CABP7: variants seen among roughly 807,000 people sequenced by gnomAD.
CABP7 encodes calcium binding protein 7.
Under a neutral mutation model 23.1 loss-of-function variants are expected in CABP7, and 13 were observed. The observed-to-expected ratio is 0.56, with a 90% CI of 0.37 to 0.90. CABP7 has a LOEUF of 0.90. Among genes scored for constraint, CABP7 ranks in the 40% least tolerant of loss-of-function variants. The pLI is 0.01. For missense variants in CABP7, 248 were observed against 295.6 expected, an observed-to-expected ratio of 0.84 and a Z score of 1.18; for synonymous variants, 123 against 115.3, an observed-to-expected ratio of 1.07 and a Z score of -0.43.
rs554209803 is a variant in CABP7, at chr22:29,727,900, T to C, written c.253+95T>C. The C allele has an allele frequency of 5.0e-6, 7 of 1,413,474 alleles. No homozygotes were observed. In the South Asian group the frequency reaches 9.7e-5, roughly 20 times the overall value. The allele number at this position is 1,413,474 out of a possible 1,614,324, so 87.6% of individuals were successfully genotyped here. ...CTGAGCTGCTGAGGCTGCATCCAAA[T>C]TGGGTCTCTCGCTCCCCTGACTCCC... On this transcript the variant is annotated intron_variant, in intron 2 of 4. Transcript: ENST00000216144. This position sits in a 1 kb window ranked among gnomAD's most constrained non-coding sequence, Gnocchi z 4.2.
chr22:29,730,939 A>C lies in CABP7; in HGVS notation c.*1370A>C. The C allele has an allele frequency of 3.8e-6, 1 of 265,038 alleles. No homozygotes were observed. The highest frequency in any genetic ancestry group is 7.0e-6 in the Non-Finnish European group (1 of 142,550). 16.4% of individuals were successfully genotyped at this position (265,038 alleles called of 1,614,324 possible). ...AGAGCTCAGAGCACCCAGTGTAGGG[A>C]AACACAGCCAGACCACTGTGGTGAC... On this transcript the variant is annotated 3_prime_UTR_variant, in exon 5 of 5. Transcript: ENST00000216144.
At chr22:29,722,960 G>A (rs962260283) in intron 1 of CABP7, among the ~76,000 whole-genome samples, 4 of 152,252 alleles carry the variant, frequency 2.6e-5, no homozygotes, top group African/African-American at 7.2e-5. Flanking sequence ...GCCAGGCGGC[G>A]CTGGGTTTGA....
chr22:29,726,845 C>T (rs2067798799), intron 1 of CABP7, among the ~76,000 whole-genome samples: 1 of 152,218 alleles, frequency 6.6e-6, no homozygotes, highest in East Asian at 1.9e-4. Context: ...GACAGCAGTA[C>T]AGCTAAGGTG....
chr22:29,720,601 A>AGGGGCGCG lies in CABP7; in HGVS notation c.109+75_109+82dup. 2.0e-6 allele frequency: 2 copies of AGGGGCGCG among 1,019,714 alleles called. No individual in the cohort carries two copies. The highest frequency in any genetic ancestry group is 2.7e-6 in the Non-Finnish European group (2 of 744,770). The allele number at this position is 1,019,714 out of a possible 1,614,324, so 63.2% of individuals were successfully genotyped here. A position where few individuals can be genotyped will look rare whatever the true frequency, so the allele number is the denominator to read the frequency against. On this transcript the variant is annotated intron_variant, in intron 1 of 4. Transcript: ENST00000216144. The surrounding 1 kb of genome is among the most constrained non-coding windows in gnomAD (Gnocchi z 5.2). ...TGTGCGCCCAGGTGAAGCGCGGGCCAGGGGCGCGGGGGCGGGGGGCGGGGG... is the reference window on the plus strand; with the variant it reads ...TGTGCGCCCAGGTGAAGCGCGGGCCAGGGGCGCGGGGGCGCGGGGGCGGGGGGCGGGGG...
intron 1 of CABP7, among the ~76,000 whole-genome samples, chr22:29,721,876 C>T (rs1416201650): frequency 1.3e-5 from 2 of 152,250 alleles, no homozygotes; most frequent in East Asian, 3.9e-4. Context: ...GATTGGGGCC[C>T]CCCGACATGA....
Position 29,720,378 on chromosome 22 carries a change from C to A in CABP7, c.-47C>A. On this transcript the variant is annotated 5_prime_UTR_variant, in exon 1 of 5. Coordinates refer to ENST00000216144, the MANE Select transcript of CABP7 (RefSeq NM_182527.3). This position sits in a 1 kb window ranked among gnomAD's most constrained non-coding sequence, Gnocchi z 5.2. Reference sequence around the variant, plus strand: ...CCGGGGCCGCCACCGGCCCATGAGCCCCGGCCTCAAAGTTTGCGGCGGGCG... The same window carrying A: ...CCGGGGCCGCCACCGGCCCATGAGCACCGGCCTCAAAGTTTGCGGCGGGCG... The A allele has an allele frequency of 1.5e-6, 2 of 1,340,328 alleles. No individual in the cohort carries two copies. Among genetic ancestry groups the A allele is most frequent in the Non-Finnish European group, 1.0e-6 (1 of 1,003,406 alleles). 83.0% of individuals were successfully genotyped at this position (1,340,328 alleles called of 1,614,324 possible). A position where few individuals can be genotyped will look rare whatever the true frequency, so the allele number is the denominator to read the frequency against.
At position 29,731,519 on chromosome 22, in the gene CABP7, C is replaced by T. The variant is rs1037984340; in HGVS notation, c.*1950C>T. On this transcript the variant is annotated 3_prime_UTR_variant, in exon 5 of 5. Coordinates refer to ENST00000216144, the MANE Select transcript of CABP7 (RefSeq NM_182527.3). ...AAAATAGGCAGACCGTTTGAGCCAGCGACCTCACCTCTAGGAACTGAGCCC... is the reference window on the plus strand; with the variant it reads ...AAAATAGGCAGACCGTTTGAGCCAGTGACCTCACCTCTAGGAACTGAGCCC... 12 of 849,436 alleles carry T rather than the reference C, an allele frequency of 1.4e-5. No individual in the cohort carries two copies. The highest frequency in any genetic ancestry group is 4.1e-5 in the Admixed American group (1 of 24,332). 52.6% of individuals were successfully genotyped at this position (849,436 alleles called of 1,614,324 possible).
At position 29,727,789 on chromosome 22, in the gene CABP7, G is replaced by A. The variant is rs771784055; in HGVS notation, c.237G>A (p.Gln79=). The part of the protein sequence containing the change: ...PNEVELEVII[Q]RLDMDGDGQV... ...AGGTGGAGCTGGAGGTCATCATCCA[G>A]CGGCTGGACATGGATGGTGAGCACC... The change falls in exon 2 of 5, where the codon CAG becomes CAA. Residue 79 remains glutamine (Q), a synonymous_variant. Transcript: ENST00000216144. The surrounding 1 kb of genome is among the most constrained non-coding windows in gnomAD (Gnocchi z 4.2). The A allele has an allele frequency of 4.3e-6, 7 of 1,610,788 alleles. No homozygotes were observed. The African/African-American group carries it at 8.0e-5, about 18-fold the overall frequency.
chr22:29,728,983 T>C, intron 3 of CABP7, 72 bp from the exon 4 acceptor site: 2 of 1,559,650 alleles, frequency 1.3e-6, no homozygotes, highest in South Asian at 1.1e-5. Context: ...TGTCACCGGG[T>C]CTGTATGGCC....
Position 29,720,597 on chromosome 22 carries a change from G to A in CABP7, c.109+64G>A. 1 of 1,103,676 alleles carries A rather than the reference G, an allele frequency of 9.1e-7. No homozygotes were observed. The highest frequency in any genetic ancestry group is 1.2e-6 in the Non-Finnish European group (1 of 811,998). 68.4% of individuals were successfully genotyped at this position (1,103,676 alleles called of 1,614,324 possible). A position where few individuals can be genotyped will look rare whatever the true frequency, so the allele number is the denominator to read the frequency against. ...TACCTGTGCGCCCAGGTGAAGCGCG[G>A]GCCAGGGGCGCGGGGGCGGGGGGCG... On this transcript the variant is annotated intron_variant, in intron 1 of 4. Coordinates refer to ENST00000216144, the MANE Select transcript of CABP7 (RefSeq NM_182527.3). The surrounding 1 kb of genome is among the most constrained non-coding windows in gnomAD (Gnocchi z 5.2).
At position 29,728,673 on chromosome 22, in the gene CABP7, A is replaced by G. The variant is rs1247404610; in HGVS notation, c.297A>G (p.Gly99=). The change falls in exon 3 of 5, where the codon GGA becomes GGG. Residue 99 remains glycine, a synonymous_variant. Coordinates refer to ENST00000216144, the MANE Select transcript of CABP7 (RefSeq NM_182527.3). The part of the protein sequence containing the change: ...VDFEEFVTLL[G]PKLSTSGIPE... ...TTGAGGAGTTTGTGACCCTTCTGGG[A>G]CCCAAACTCTCCACCTCAGGGATCC... is the stretch of plus-strand genomic sequence containing the variant. 4 of 1,613,590 alleles carry G rather than the reference A, an allele frequency of 2.5e-6. No individual in the cohort carries two copies. In the South Asian group the frequency reaches 4.4e-5, roughly 18 times the overall value.
At position 29,731,753 on chromosome 22, in the gene CABP7, G is replaced by T; in HGVS notation, c.*2184G>T. 5.7e-6 allele frequency: 1 copy of T among 174,116 alleles called. No homozygotes were observed. Among genetic ancestry groups the T allele is most frequent in the Non-Finnish European group, 1.2e-5 (1 of 83,480 alleles). 10.8% of individuals were successfully genotyped at this position (174,116 alleles called of 1,614,324 possible). A position where few individuals can be genotyped will look rare whatever the true frequency, so the allele number is the denominator to read the frequency against. On this transcript the variant is annotated 3_prime_UTR_variant, in exon 5 of 5. Transcript: ENST00000216144. ...GAGAAAAAGCAGCTTATAAAATAAT[G>T]TATATAGCATGATACTATTTTTGTT...
In CABP7 at chr22:29,729,196, G is replaced by T. The variant is rs200796412; in HGVS notation, c.508G>T (p.Val170Leu). 1.5e-5 allele frequency: 24 copies of T among 1,607,494 alleles called. 1 individual carries two copies. The African/African-American group carries it at 2.9e-4, about 20-fold the overall frequency. The change falls in exon 4 of 5, where the codon GTG becomes TTG. Residue 170 changes from valine to leucine, a missense_variant. By Grantham distance (32) the Val-to-Leu change is conservative. Coordinates refer to ENST00000216144, the MANE Select transcript of CABP7 (RefSeq NM_182527.3). ...CCTGGGCACAGCCGAGGAGTGTCCC[G>T]TGGATGTGGAGAGTGAGTGGCTGGC... ...SHLGTAEECPVDVETCSNQQI... is the reference protein window; with the variant it reads ...SHLGTAEECPLDVETCSNQQI...
chr22:29,729,028 G>A, intron 3 of CABP7, 27 bp from the exon 4 acceptor site: 1 of 1,600,584 alleles, frequency 6.2e-7, no homozygotes, highest in Non-Finnish European at 8.5e-7. Flanking sequence ...GTGGCTCTCA[G>A]AGCACCGTGT....
chr22:29,720,437 C>A lies in CABP7; in HGVS notation c.13C>A (p.Pro5Thr). 6.5e-7 allele frequency: 1 copy of A among 1,543,332 alleles called. No homozygotes were observed. Among genetic ancestry groups the A allele is most frequent in the Non-Finnish European group, 8.7e-7 (1 of 1,147,822 alleles). ...CGGAGCCTCCAAGATGCCGTTCCACCCGGTGACGGCGGCGTTGATGTACCG... is the reference window on the plus strand; with the variant it reads ...CGGAGCCTCCAAGATGCCGTTCCACACGGTGACGGCGGCGTTGATGTACCG... MPFH[P>T]VTAALMYRGI... Residue 5 changes from proline (P) to threonine (T), a missense_variant, in exon 1 of 5, where the codon CCG becomes ACG. Pro to Thr is a conservative substitution (Grantham distance 38). Coordinates refer to ENST00000216144, the MANE Select transcript of CABP7 (RefSeq NM_182527.3). This position sits in a 1 kb window ranked among gnomAD's most constrained non-coding sequence, Gnocchi z 5.2.
Position 29,727,825 on chromosome 22 carries a change from G to C in CABP7, c.253+20G>C, listed in dbSNP as rs375236930. The C allele has an allele frequency of 1.9e-6, 3 of 1,598,002 alleles. No individual in the cohort carries two copies. In the South Asian group the frequency reaches 3.3e-5, roughly 18 times the overall value. ...TGGATGGTGAGCACCCCCCCGCCTC[G>C]GTTTCCCCACCTGGCATCTGGGCCC... On this transcript the variant is annotated intron_variant, in intron 2 of 4. Transcript: ENST00000216144. This position sits in a 1 kb window ranked among gnomAD's most constrained non-coding sequence, Gnocchi z 4.2.
At position 29,727,170 on chromosome 22, in the gene CABP7, C is replaced by T. The variant is rs1199668777; in HGVS notation, c.110-492C>T. ...TGTCAGCCCATTAGTCTGGAGCAAG[C>T]TGCCTCACGTGGCTGCCATTAGCAA... On this transcript the variant is annotated intron_variant, in intron 1 of 4. Transcript: ENST00000216144. The surrounding 1 kb of genome is among the most constrained non-coding windows in gnomAD (Gnocchi z 4.2). Among the ~76,000 whole-genome samples the T allele has an allele frequency of 6.6e-6, 1 of 152,072 alleles. No homozygotes were observed. Among genetic ancestry groups the T allele is most frequent in the Non-Finnish European group, 1.5e-5 (1 of 68,034 alleles).
rs145610469 is a variant in CABP7, at chr22:29,722,042, C to T, written c.109+1509C>T. On this transcript the variant is annotated intron_variant, in intron 1 of 4. Coordinates refer to ENST00000216144, the MANE Select transcript of CABP7 (RefSeq NM_182527.3). ...CCGGCCCTGGGCCACCTCAAACCTC[C>T]TGCAGATTTTTCCCTCCAGAGGCCC... 8.8e-3 allele frequency among the ~76,000 whole-genome samples: 1,343 copies of T among 152,222 alleles called. 12 individuals are homozygous for T. Among genetic ancestry groups the T allele is most frequent in the African/African-American group, 0.031 (1,298 of 41,514 alleles).
At position 29,731,374 on chromosome 22, in the gene CABP7, C is replaced by G. The variant is rs371225696; in HGVS notation, c.*1805C>G. 21 of 1,541,818 alleles carry G rather than the reference C, an allele frequency of 1.4e-5. No homozygotes were observed. The Middle Eastern group carries it at 1.3e-3, about 99-fold the overall frequency. On this transcript the variant is annotated 3_prime_UTR_variant, in exon 5 of 5. Coordinates refer to ENST00000216144, the MANE Select transcript of CABP7 (RefSeq NM_182527.3). Reference sequence around the variant, plus strand: ...TCAGCCCTAGAGAGAGAGAGAGAAGCGGGGAGAATAAGAGTGCACTACAGC... The same window carrying G: ...TCAGCCCTAGAGAGAGAGAGAGAAGGGGGGAGAATAAGAGTGCACTACAGC...
Sources: gnomAD v4.1 joint callset for allele counts (sites outside exome capture counted in the v4.1 genomes callset) on GRCh38, gnomAD v4.1.1 for gene constraint, Gnocchi (gnomAD v3.1) non-coding constraint, MANE v1.5 for transcripts, NCBI Gene and HGNC (gene_info 2026-07-23, HGNC 2026-07-21) for gene names.